The following INSR variants were observed in gnomAD, a reference collection of about 807,000 sequenced individuals.
INSR encodes the protein insulin receptor.
In INSR, 67 loss-of-function variants were observed where a neutral mutation model predicts 142.6. The observed-to-expected ratio is 0.47, with a 90% CI of 0.39 to 0.58. INSR has a LOEUF of 0.58. Among genes scored for constraint, INSR ranks in the 20% least tolerant of loss-of-function variants. The pLI, the probability that INSR is intolerant of heterozygous loss-of-function variation, is 0.00. For missense variants in INSR, 1,248 were observed against 1,833.2 expected, an observed-to-expected ratio of 0.68 and a Z score of 5.83; for synonymous variants, 756 against 743.1, an observed-to-expected ratio of 1.02 and a Z score of -0.28.
At position 7,224,563 on chromosome 19, in the gene INSR, T is replaced by C. The variant is rs1006629370; in HGVS notation, c.653-39926A>G. 2.0e-5 allele frequency among the ~76,000 whole-genome samples: 3 copies of C among 152,242 alleles called. No homozygotes were observed. In the East Asian group the frequency reaches 5.8e-4, roughly 29 times the overall value. On this transcript the variant is annotated intron_variant, in intron 2 of 21. Transcript: ENST00000302850. ...GACTTGCCGACGGCCCCACTCCAGG[T>C]GACCAAGCCACATCTCGACCAGAGG...
intron 2 of INSR, among the ~76,000 whole-genome samples, chr19:7,230,805 C>CA (rs1491540793): frequency 0.17 from 9,957 of 57,948 alleles, 1,110 homozygotes; most frequent in East Asian, 0.49. Flanking sequence ...GACTCCATCT[C>CA]AAAAATAAAA....
In INSR at chr19:7,192,154, GAGAA is replaced by G. The variant is rs1006825746; in HGVS notation, c.653-7521_653-7518del. ...AGAAGAAAGATAAGAGAGAGAGAAAGAGAAAGAAAAAGAAAGACAGAGAAAGAAA... is the reference window on the plus strand; with the variant it reads ...AGAAGAAAGATAAGAGAGAGAGAAAGAGAAAAAGAAAGACAGAGAAAGAAA... On this transcript the variant is annotated intron_variant, in intron 2 of 21. Coordinates refer to ENST00000302850, the MANE Select transcript of INSR (RefSeq NM_000208.4). This position sits in a 1 kb window ranked among gnomAD's most constrained non-coding sequence, Gnocchi z 4.2. Among the ~76,000 whole-genome samples, 39 of 128,618 alleles carry G rather than the reference GAGAA, an allele frequency of 3.0e-4. No individual in the cohort carries two copies. Among genetic ancestry groups the G allele is most frequent in the African/African-American group, 1.0e-3 (33 of 32,912 alleles). 84.4% of individuals were successfully genotyped at this position (128,618 alleles called of 152,430 possible).
At position 7,189,184 on chromosome 19, in the gene INSR, A is replaced by T. The variant is rs986805037; in HGVS notation, c.653-4547T>A. 3.9e-5 allele frequency among the ~76,000 whole-genome samples: 6 copies of T among 152,166 alleles called. No homozygotes were observed. The East Asian group carries it at 1.2e-3, about 29-fold the overall frequency. On this transcript the variant is annotated intron_variant, in intron 2 of 21. Coordinates refer to ENST00000302850, the MANE Select transcript of INSR (RefSeq NM_000208.4). ...AGCACTCTGGCAAGGAAACACACAC[A>T]CAAGAGGAAGGGGCTTGTTTCCTGG...
At chr19:7,245,915 T>A (rs1976525650) in intron 2 of INSR, among the ~76,000 whole-genome samples, 1 of 152,128 alleles carries the variant, frequency 6.6e-6, no homozygotes, top group Non-Finnish European at 1.5e-5. Flanking sequence ...TAATACCTGA[T>A]GAAGAAAACA....
chr19:7,203,400 G>A (rs1294193904), intron 2 of INSR, among the ~76,000 whole-genome samples: 1 of 152,128 alleles, frequency 6.6e-6, no homozygotes, highest in Admixed American at 6.6e-5. Flanking sequence ...TTTGGAAATA[G>A]GTATGACAAT....
At chr19:7,236,359 T>TC (rs771458636) in intron 2 of INSR, among the ~76,000 whole-genome samples, 1 of 152,144 alleles carries the variant, frequency 6.6e-6, no homozygotes, top group Non-Finnish European at 1.5e-5. Context: ...CATAAAAGAC[T>TC]CCTACACAAT....
intron 2 of INSR, among the ~76,000 whole-genome samples, chr19:7,204,759 G>C (rs1276295741): frequency 1.3e-5 from 2 of 152,186 alleles, no homozygotes; most frequent in African/African-American, 4.8e-5. Context: ...TCCCCTATCA[G>C]GCTGGCTGCT....
Position 7,125,420 on chromosome 19 carries a change from T to C in INSR, c.3121A>G (p.Asn1041Asp). The C allele has an allele frequency of 3.7e-6, 6 of 1,614,116 alleles. No individual in the cohort carries two copies. Among genetic ancestry groups the C allele is most frequent in the Non-Finnish European group, 5.1e-6 (6 of 1,180,016 alleles). The change falls in exon 17 of 22, where the codon AAT (asparagine) becomes GAT (aspartate). Residue 1041 changes from asparagine (N) to aspartate (D), a missense_variant. Asn to Asp is a conservative substitution (Grantham distance 23). Coordinates refer to ENST00000302850, the MANE Select transcript of INSR (RefSeq NM_000208.4). The surrounding 1 kb of genome is among the most constrained non-coding windows in gnomAD (Gnocchi z 4.9). ...QGSFGMVYEG[N>D]ARDIIKGEAE... ...TCACCCTTGATGATGTCCCTGGCATTGCCCTCATACACCATGCCGAAGGAG... is the reference window on the plus strand; with the variant it reads ...TCACCCTTGATGATGTCCCTGGCATCGCCCTCATACACCATGCCGAAGGAG...
At chr19:7,282,534 T>C (rs1968231213) in intron 1 of INSR, among the ~76,000 whole-genome samples, 2 of 150,636 alleles carry the variant, frequency 1.3e-5, no homozygotes, top group Non-Finnish European at 2.9e-5. Context: ...ATGCAAAAAT[T>C]AGCTGGGCGT....
rs1005317160 is a variant in INSR at position 7,253,025 on chromosome 19, G to A, written c.652+14320C>T. Among the ~76,000 whole-genome samples, 5 of 151,530 alleles carry A rather than the reference G, an allele frequency of 3.3e-5. No individual in the cohort carries two copies. In the East Asian group the frequency reaches 9.9e-4, roughly 30 times the overall value. ...AGCTACTCAGGAGGCTGAGGCGGGG[G>A]AATCCCTTGAACCCGGGAGGCGGAG... On this transcript the variant is annotated intron_variant, in intron 2 of 21. Coordinates refer to ENST00000302850, the MANE Select transcript of INSR (RefSeq NM_000208.4).
chr19:7,245,739 C>T (rs1490040590), intron 2 of INSR, among the ~76,000 whole-genome samples: 1 of 152,130 alleles, frequency 6.6e-6, no homozygotes, highest in Non-Finnish European at 1.5e-5. Context: ...AGCCACCACG[C>T]CCAGCCGAGC....
At chr19:7,208,030 A>G (rs894597609) in intron 2 of INSR, among the ~76,000 whole-genome samples, 19 of 152,086 alleles carry the variant, frequency 1.2e-4, no homozygotes, top group African/African-American at 4.3e-4. Flanking sequence ...TTTGTGGTTA[A>G]GAGCTGGCCC....
chr19:7,209,411 C>T (rs1457466729), intron 2 of INSR, among the ~76,000 whole-genome samples: 1 of 152,106 alleles, frequency 6.6e-6, no homozygotes, highest in Non-Finnish European at 1.5e-5. Flanking sequence ...TTGAGCTCAA[C>T]TCCATAAAAG....
chr19:7,197,326 G>A (rs995455442), intron 2 of INSR, among the ~76,000 whole-genome samples: 1 of 151,050 alleles, frequency 6.6e-6, no homozygotes, highest in Non-Finnish European at 1.5e-5. Flanking sequence ...GAGAGAGAGT[G>A]AGTGAGTGAG....
intron 7 of INSR, among the ~76,000 whole-genome samples, chr19:7,167,105 C>T (rs567244539): frequency 6.6e-6 from 1 of 152,002 alleles, no homozygotes; most frequent in Non-Finnish European, 1.5e-5. Context: ...AGTATCAAGT[C>T]GGCCCACAAA....
rs533330318 is a variant in INSR, at chr19:7,217,059, C to T, written c.653-32422G>A. Among the ~76,000 whole-genome samples, 29 of 150,324 alleles carry T rather than the reference C, an allele frequency of 1.9e-4. 1 individual carries two copies. In the South Asian group the frequency reaches 5.9e-3, roughly 31 times the overall value. ...TGTTGCCCACACTGGTCTCAAACTCCTAGCCTCAAGAAATCGTCCCACCTT... is the reference window on the plus strand; with the variant it reads ...TGTTGCCCACACTGGTCTCAAACTCTTAGCCTCAAGAAATCGTCCCACCTT... On this transcript the variant is annotated intron_variant, in intron 2 of 21. Transcript: ENST00000302850.
intron 1 of INSR, among the ~76,000 whole-genome samples, chr19:7,276,996 G>A (rs1968079811): frequency 6.6e-6 from 1 of 152,166 alleles, no homozygotes; most frequent in Non-Finnish European, 1.5e-5. Context: ...CTCCCAAAGT[G>A]CTGGGATTAC....
At chr19:7,251,500 A>T (rs1976726993) in intron 2 of INSR, among the ~76,000 whole-genome samples, 1 of 151,760 alleles carries the variant, frequency 6.6e-6, no homozygotes, top group Non-Finnish European at 1.5e-5. Context: ...GCTTCAAGTG[A>T]TCCTCCCGCC....
At chr19:7,219,933 CTCCCACTAAAG>C (rs1752838137) in intron 2 of INSR, among the ~76,000 whole-genome samples, 1 of 131,468 alleles carries the variant, frequency 7.6e-6, no homozygotes, top group Non-Finnish European at 1.7e-5. Context: ...CTCTCTATCA[CTCCCACTAAAG>C]TCCCAGAACT....
Sources: gnomAD v4.1 joint callset for allele counts (sites outside exome capture counted in the v4.1 genomes callset) on GRCh38, gnomAD v4.1.1 for gene constraint, Gnocchi (gnomAD v3.1) non-coding constraint, MANE v1.5 for transcripts, NCBI Gene and HGNC (gene_info 2026-07-23, HGNC 2026-07-21) for gene names.